The following JPH3 variants were observed in gnomAD, a reference collection of about 807,000 sequenced individuals.
JPH3 encodes junctophilin-3.
Under a neutral mutation model 59.6 loss-of-function variants are expected in JPH3, and 11 were observed. The observed-to-expected ratio is 0.18, with a 90% CI of 0.12 to 0.31. The LOEUF (loss-of-function observed/expected upper bound fraction) is 0.31. Among genes scored for constraint, JPH3 ranks in the 10% least tolerant of loss-of-function variants. JPH3 has a pLI of 1.00. For missense variants in JPH3, 1,202 were observed against 1,105.7 expected (o/e 1.09, Z -1.24); for synonymous variants, 673 against 483.6 (o/e 1.39, Z -5.14).
At chr16:87,639,039 G>A (rs112150506) in intron 1 of JPH3, among the ~76,000 whole-genome samples, 18 of 152,246 alleles carry the variant, frequency 1.2e-4, no homozygotes, top group African/African-American at 2.9e-4. Flanking sequence ...TGCCGCTTCC[G>A]CTTCCTGGCT....
At chr16:87,671,274 G>A (rs1322208859) in intron 2 of JPH3, among the ~76,000 whole-genome samples, 2 of 151,598 alleles carry the variant, frequency 1.3e-5, no homozygotes, top group Non-Finnish European at 3.0e-5. Flanking sequence ...TGGCCCCTTC[G>A]TCACCCCGAG....
At chr16:87,638,117 A>C (rs11117288) in intron 1 of JPH3, among the ~76,000 whole-genome samples, 40,705 of 151,916 alleles carry the variant, frequency 0.27, 5,796 homozygotes, top group South Asian at 0.39. Flanking sequence ...ATGAGGTTTC[A>C]CCATATTGGC....
At chr16:87,640,114 G>T (rs1366392925) in intron 1 of JPH3, among the ~76,000 whole-genome samples, 1 of 152,088 alleles carries the variant, frequency 6.6e-6, no homozygotes, top group Non-Finnish European at 1.5e-5. Context: ...GGATCATGAG[G>T]TCCAGAGATT....
intron 1 of JPH3, among the ~76,000 whole-genome samples, chr16:87,613,212 T>G (rs1350195212): frequency 6.8e-6 from 1 of 147,334 alleles, no homozygotes; most frequent in Non-Finnish European, 1.5e-5. Context: ...TTCTCCTGCC[T>G]CAGCCTCCCG....
chr16:87,616,707 C>T (rs572350689), intron 1 of JPH3, among the ~76,000 whole-genome samples: 3 of 152,270 alleles, frequency 2.0e-5, no homozygotes, highest in East Asian at 1.9e-4. Flanking sequence ...CGGATATTGA[C>T]GTGGACACAG....
chr16:87,644,519 T>C lies in JPH3; in HGVS notation c.644T>C (p.Phe215Ser). The change falls in exon 2 of 5, where the codon TTT becomes TCT. Residue 215 changes from phenylalanine (F) to serine (S), a missense_variant. Transcript: ENST00000284262. Reference sequence around the variant, plus strand: ...CTCAAGAGCAAGAAGAAGGGGCTGTTTCGGCGCTCGCTGCTGAGTGGGCTG... The same window carrying C: ...CTCAAGAGCAAGAAGAAGGGGCTGTCTCGGCGCTCGCTGCTGAGTGGGCTG... ...EILKSKKKGLFRRSLLSGLKL... is the reference protein window; with the variant it reads ...EILKSKKKGLSRRSLLSGLKL... The C allele has an allele frequency of 6.2e-7, 1 of 1,612,836 alleles. No homozygotes were observed. The highest frequency in any genetic ancestry group is 8.5e-7 in the Non-Finnish European group (1 of 1,179,812).
Position 87,611,658 on chromosome 16 carries a change from A to C in JPH3, c.382+8130A>C, listed in dbSNP as rs377231019. Among the ~76,000 whole-genome samples the C allele has an allele frequency of 1.2e-3, 179 of 152,052 alleles. 2 individuals carry two copies. The South Asian group carries it at 0.036, about 31-fold the overall frequency. On this transcript the variant is annotated intron_variant, in intron 1 of 4. Coordinates refer to ENST00000284262, the MANE Select transcript of JPH3 (RefSeq NM_020655.4). The surrounding 1 kb of genome is among the most constrained non-coding windows in gnomAD (Gnocchi z 4.5). ...CCGCCTCTGTCTGCTGCTCTATGCC[A>C]GTGCTTCCCAAGCCTGAGTGTTACA...
intron 2 of JPH3, among the ~76,000 whole-genome samples, chr16:87,648,829 T>C (rs899530366): frequency 1.3e-5 from 2 of 152,080 alleles, no homozygotes; most frequent in South Asian, 2.1e-4. Flanking sequence ...GAAATGGTGG[T>C]CAGGCCCCAC....
At chr16:87,680,878 T>C (rs565328660) in intron 2 of JPH3, among the ~76,000 whole-genome samples, 1 of 152,340 alleles carries the variant, frequency 6.6e-6, no homozygotes, top group East Asian at 1.9e-4. Flanking sequence ...ACGTATGATG[T>C]TGGTGAGTTC....
At chr16:87,682,092 G>C (rs2033310489) in intron 2 of JPH3, among the ~76,000 whole-genome samples, 1 of 152,134 alleles carries the variant, frequency 6.6e-6, no homozygotes, top group African/African-American at 2.4e-5. Flanking sequence ...GTGCTCTCTG[G>C]GCCAGCGTTT....
chr16:87,690,192 A>G lies in JPH3; in HGVS notation c.1832A>G (p.Tyr611Cys), dbSNP rs753688162. ...CTGCAGGAGGAGAAGCTGAGCAACT[A>G]CCGGATGGAGATGAAACCCTTGCTG... is the stretch of plus-strand genomic sequence containing the variant. ...LELQEEKLSNYRMEMKPLLRM... is the reference protein window; with the variant it reads ...LELQEEKLSNCRMEMKPLLRM... Residue 611 changes from tyrosine (Y) to cysteine (C), a missense_variant, in exon 4 of 5, where the codon TAC becomes TGC. Physicochemically the swap from Tyr to Cys is radical, Grantham distance 194. Coordinates refer to ENST00000284262, the MANE Select transcript of JPH3 (RefSeq NM_020655.4). 2 of 1,602,126 alleles carry G rather than the reference A, an allele frequency of 1.2e-6. No homozygotes were observed. The highest frequency in any genetic ancestry group is 1.7e-6 in the Non-Finnish European group (2 of 1,174,924).
At chr16:87,696,039 G>T in intron 4 of JPH3, 1 of 456,184 alleles carries the variant, frequency 2.2e-6, no homozygotes, top group Non-Finnish European at 4.4e-6. Flanking sequence ...TGGCGTGAGG[G>T]GTTTGTTGAG....
At chr16:87,649,138 G>A (rs1248864353) in intron 2 of JPH3, among the ~76,000 whole-genome samples, 1 of 152,152 alleles carries the variant, frequency 6.6e-6, no homozygotes. Context: ...AGAGAGGGGC[G>A]GGAGCCAGTG....
intron 2 of JPH3, among the ~76,000 whole-genome samples, chr16:87,655,936 G>T (rs1257074803): frequency 6.6e-6 from 1 of 152,246 alleles, no homozygotes; most frequent in Non-Finnish European, 1.5e-5. Context: ...CGTTCCCTTT[G>T]CCCACATGCC....
chr16:87,691,702 A>ACGTCTGTCTG (rs2033583241), intron 4 of JPH3, among the ~76,000 whole-genome samples: 1 of 152,020 alleles, frequency 6.6e-6, no homozygotes, highest in Admixed American at 6.5e-5. Flanking sequence ...ACCACTGCGG[A>ACGTCTGTCTG]CGTCTGTCTG....
At chr16:87,627,353 TGTAAC>T (rs1294555146) in intron 1 of JPH3, among the ~76,000 whole-genome samples, 3 of 152,214 alleles carry the variant, frequency 2.0e-5, no homozygotes, top group African/African-American at 7.2e-5. Flanking sequence ...TTGGCGCTAT[TGTAAC>T]GATAACAGCA....
At chr16:87,643,651 A>G (rs905118292) in intron 1 of JPH3, among the ~76,000 whole-genome samples, 4 of 151,842 alleles carry the variant, frequency 2.6e-5, no homozygotes, top group Non-Finnish European at 4.4e-5. Context: ...CTCCGTATTC[A>G]CTCTGGGTTC....
intron 1 of JPH3, among the ~76,000 whole-genome samples, chr16:87,615,763 C>T (rs2030932876): frequency 6.6e-6 from 1 of 152,194 alleles, no homozygotes; most frequent in South Asian, 2.1e-4. Context: ...TGGGACCACG[C>T]CTTGAGAAGC....
At chr16:87,629,964 A>G (rs2031512169) in intron 1 of JPH3, among the ~76,000 whole-genome samples, 1 of 152,190 alleles carries the variant, frequency 6.6e-6, no homozygotes, top group Non-Finnish European at 1.5e-5. Context: ...CTCTAAAGCT[A>G]AAACTGCTCT....
Sources: allele counts gnomAD v4.1 joint callset (sites outside exome capture counted in the v4.1 genomes callset), GRCh38; gene constraint gnomAD v4.1.1; non-coding constraint Gnocchi (gnomAD v3.1); transcripts MANE v1.5; gene names NCBI Gene and HGNC (gene_info 2026-07-23, HGNC 2026-07-21).